The following ADAM12 variants were observed in gnomAD, a reference collection of about 807,000 sequenced individuals.
ADAM12 encodes ADAM metallopeptidase domain 12, also known as disintegrin and metalloproteinase domain-containing protein 12.
Under a neutral mutation model 106.4 loss-of-function variants are expected in ADAM12, and 70 were observed. The ratio of observed to expected loss-of-function variants is 0.66; its 90% CI spans 0.54 to 0.80. The LOEUF (loss-of-function observed/expected upper bound fraction) is 0.80. Ranked by LOEUF, ADAM12 falls within the 30% of genes least tolerant of loss-of-function variation. ADAM12 has a pLI of 0.00. For synonymous variants in ADAM12, 420 were observed against 433.5 expected (o/e 0.97, Z 0.39); for missense variants, 1,010 against 1,171.9 (o/e 0.86, Z 2.02).
intron 3 of ADAM12, among the ~76,000 whole-genome samples, chr10:126,166,705 G>A (rs1439208050): frequency 6.6e-6 from 1 of 152,076 alleles, no homozygotes; most frequent in Non-Finnish European, 1.5e-5. Flanking sequence ...CACCATATTG[G>A]CCAGGATGGT....
chr10:126,019,615 C>G, intron 22 of ADAM12, 80 bp downstream of exon 22: 8 of 1,547,886 alleles, frequency 5.2e-6, no homozygotes, highest in Non-Finnish European at 7.0e-6. Context: ...CACTGCACCC[C>G]TGTCCTGGCT....
At chr10:126,320,016 G>A (rs754505001) in intron 2 of ADAM12, among the ~76,000 whole-genome samples, 1 of 152,048 alleles carries the variant, frequency 6.6e-6, no homozygotes, top group Non-Finnish European at 1.5e-5. Context: ...CATTCTCAAC[G>A]GGGATGAGCA....
At chr10:126,173,591 G>T (rs1957160078) in intron 3 of ADAM12, among the ~76,000 whole-genome samples, 1 of 152,072 alleles carries the variant, frequency 6.6e-6, no homozygotes, top group Non-Finnish European at 1.5e-5. Context: ...TATGTAGGAG[G>T]GATTAATATA....
intron 3 of ADAM12, among the ~76,000 whole-genome samples, chr10:126,157,972 G>C (rs1214158462): frequency 6.6e-6 from 1 of 152,234 alleles, no homozygotes; most frequent in African/African-American, 2.4e-5. Context: ...GGATGGTGGA[G>C]GAGTCTGGTG....
In ADAM12 at chr10:126,028,189, CA is replaced by C. The variant is rs1953911977; in HGVS notation, c.2529+7956del. ...GCTCAAAGAAATCAGAGGACATAAACAAATGGAAAAGCATTCCATGCTTATG... is the reference window on the plus strand; with the variant it reads ...GCTCAAAGAAATCAGAGGACATAAACAATGGAAAAGCATTCCATGCTTATG... On this transcript the variant is annotated intron_variant, in intron 21 of 22. Transcript: ENST00000448723. Among the ~76,000 whole-genome samples the C allele has an allele frequency of 2.0e-5, 3 of 151,962 alleles. No homozygotes were observed. The South Asian group carries it at 6.3e-4, about 32-fold the overall frequency.
At chr10:126,119,446 C>A (rs1434576958) in intron 5 of ADAM12, among the ~76,000 whole-genome samples, 1 of 152,188 alleles carries the variant, frequency 6.6e-6, no homozygotes, top group Non-Finnish European at 1.5e-5. Context: ...AGGGCAGATT[C>A]ATGGATTAGG....
intron 16 of ADAM12, among the ~76,000 whole-genome samples, chr10:126,048,741 C>CT (rs1013146604): frequency 1.3e-5 from 2 of 149,536 alleles, no homozygotes; most frequent in Non-Finnish European, 3.0e-5. Flanking sequence ...AAAAGTTTGA[C>CT]TTTATTTCTA....
chr10:126,086,669 AAAAAAAAAAAAATATATATATAT>A lies in ADAM12; in HGVS notation c.1145+7293_1145+7315del, dbSNP rs1288448149. Among the ~76,000 whole-genome samples, 86 of 58,904 alleles carry A rather than the reference AAAAAAAAAAAAATATATATATAT, an allele frequency of 1.5e-3. 7 individuals carry two copies. Among genetic ancestry groups the A allele is most frequent in the East Asian group, 9.9e-3 (12 of 1,218 alleles). 38.6% of individuals were successfully genotyped at this position (58,904 alleles called of 152,430 possible). On this transcript the variant is annotated intron_variant, in intron 11 of 22. Coordinates refer to ENST00000448723, the MANE Select transcript of ADAM12 (RefSeq NM_001288973.2). ...TCTGCCTCAAAAAAAAAAAAAAAAAAAAAAAAAAAAAATATATATATATATATATATATATATAAAATAAAATA... is the reference window on the plus strand; with the variant it reads ...TCTGCCTCAAAAAAAAAAAAAAAAAAATATATATATATATAAAATAAAATA...
intron 6 of ADAM12, among the ~76,000 whole-genome samples, chr10:126,111,768 G>C (rs934777182): frequency 6.6e-5 from 10 of 152,184 alleles, no homozygotes; most frequent in African/African-American, 2.2e-4. Context: ...AGCTCAGAGG[G>C]AAGCTTAACC....
At chr10:126,307,328 G>GT (rs1367984728) in intron 2 of ADAM12, among the ~76,000 whole-genome samples, 2 of 151,910 alleles carry the variant, frequency 1.3e-5, no homozygotes, top group African/African-American at 2.4e-5. Context: ...TGGTGGCTCT[G>GT]TTTTTTTCTC....
At chr10:126,266,840 C>T (rs567376943) in intron 3 of ADAM12, among the ~76,000 whole-genome samples, 7 of 152,220 alleles carry the variant, frequency 4.6e-5, no homozygotes, top group South Asian at 2.1e-4. Flanking sequence ...CCCGATTTCA[C>T]GAGAAGTCCA....
intron 21 of ADAM12, among the ~76,000 whole-genome samples, chr10:126,029,948 T>C (rs765570221): frequency 3.1e-4 from 47 of 152,328 alleles, no homozygotes; most frequent in Middle Eastern, 3.4e-3. Flanking sequence ...GTCTATCAAA[T>C]TTCTAAATGC....
chr10:126,251,599 A>AGGAT (rs1958755787), intron 3 of ADAM12, among the ~76,000 whole-genome samples: 1 of 150,274 alleles, frequency 6.7e-6, no homozygotes, highest in Non-Finnish European at 1.5e-5. Context: ...CAGGATGGAT[A>AGGAT]GGATGGATGG....
chr10:126,054,672 G>C (rs75911726), intron 14 of ADAM12, among the ~76,000 whole-genome samples: 1 of 152,128 alleles, frequency 6.6e-6, no homozygotes, highest in African/African-American at 2.4e-5. Context: ...TGTCCAAAAG[G>C]CCTTGTTGTA....
chr10:126,292,680 C>T (rs984332759), intron 2 of ADAM12, among the ~76,000 whole-genome samples: 2 of 152,158 alleles, frequency 1.3e-5, no homozygotes, highest in African/African-American at 4.8e-5. Flanking sequence ...GCCATACAGT[C>T]CCTGTCATGA....
At chr10:126,177,264 A>C (rs1957237209) in intron 3 of ADAM12, among the ~76,000 whole-genome samples, 1 of 152,192 alleles carries the variant, frequency 6.6e-6, no homozygotes, top group Non-Finnish European at 1.5e-5. Context: ...GGAAAAAAAA[A>C]AAGCAATGAG....
At chr10:126,186,916 T>C (rs1348218615) in intron 3 of ADAM12, among the ~76,000 whole-genome samples, 2 of 152,206 alleles carry the variant, frequency 1.3e-5, no homozygotes, top group African/African-American at 4.8e-5. Context: ...CTACCATCTT[T>C]GTTTTATAGA....
At chr10:126,322,574 C>T (rs1251345836) in intron 2 of ADAM12, among the ~76,000 whole-genome samples, 1 of 152,164 alleles carries the variant, frequency 6.6e-6, no homozygotes, top group African/African-American at 2.4e-5. Flanking sequence ...CTTATCCAGC[C>T]CTGGGGCAGT....
intron 6 of ADAM12, among the ~76,000 whole-genome samples, chr10:126,111,837 G>C (rs2133604274): frequency 6.6e-6 from 1 of 152,246 alleles, no homozygotes; most frequent in South Asian, 2.1e-4. Flanking sequence ...TTATTCTCCT[G>C]TTAGCTGCAC....
Sources: gnomAD v4.1 joint callset for allele counts (sites outside exome capture counted in the v4.1 genomes callset) on GRCh38, gnomAD v4.1.1 for gene constraint, MANE v1.5 for transcripts, NCBI Gene and HGNC (gene_info 2026-07-23, HGNC 2026-07-21) for gene names.